ATP2B2: variants seen among roughly 807,000 people sequenced by gnomAD.
ATP2B2 encodes plasma membrane calcium-transporting ATPase 2.
In ATP2B2, 15 loss-of-function variants were observed where a neutral mutation model predicts 120.0. The ratio of observed to expected loss-of-function variants is 0.12; its 90% confidence interval spans 0.08 to 0.19. The LOEUF is 0.19. Among genes scored for constraint, ATP2B2 ranks in the 10% least tolerant of loss-of-function variants. The pLI is 1.00. For synonymous variants in ATP2B2, 694 were observed against 700.3 expected (o/e 0.99, Z 0.14); for missense variants, 1,045 against 1,719.8 (o/e 0.61, Z 6.94).
At chr3:10,482,507 C>G (rs554585605) in intron 1 of ATP2B2, among the ~76,000 whole-genome samples, 1 of 152,322 alleles carries the variant, frequency 6.6e-6, no homozygotes, top group East Asian at 1.9e-4. Flanking sequence ...CTTTCCTGGC[C>G]AGGCTGATGG....
At chr3:10,697,898 T>C (rs183701078) in intron 1 of ATP2B2, among the ~76,000 whole-genome samples, 125 of 152,350 alleles carry the variant, frequency 8.2e-4, no homozygotes, top group African/African-American at 2.9e-3. Context: ...TGCCCTGTGC[T>C]AGCCTTCAAG....
At chr3:10,695,663 A>G (rs2071732289) in intron 1 of ATP2B2, among the ~76,000 whole-genome samples, 1 of 152,208 alleles carries the variant, frequency 6.6e-6, no homozygotes, top group African/African-American at 2.4e-5. Flanking sequence ...AGAGCCCGCC[A>G]GGATCCACAG....
At chr3:10,503,054 C>T (rs944932717) in intron 1 of ATP2B2, among the ~76,000 whole-genome samples, 2 of 152,280 alleles carry the variant, frequency 1.3e-5, no homozygotes, top group African/African-American at 4.8e-5. Flanking sequence ...AGCTGGATTA[C>T]TATTATTTAC....
chr3:10,350,366 C>T, intron 15 of ATP2B2, 32 bp downstream of exon 15: 1 of 1,614,098 alleles, frequency 6.2e-7, no homozygotes, highest in Non-Finnish European at 8.5e-7. Context: ...TGAGCGCGTT[C>T]CCCTGAGGAT....
chr3:10,655,246 A>C (rs1575596236), intron 1 of ATP2B2, among the ~76,000 whole-genome samples: 1 of 151,170 alleles, frequency 6.6e-6, no homozygotes. Flanking sequence ...CCCTTTCTCA[A>C]CCCCCTCCAC....
intron 22 of ATP2B2, among the ~76,000 whole-genome samples, chr3:10,332,966 C>T (rs1305008369): frequency 6.6e-6 from 1 of 152,116 alleles, no homozygotes; most frequent in African/African-American, 2.4e-5. Context: ...TTGAGTTAGT[C>T]AGAAGAGTGC....
At chr3:10,611,666 GCTTCT>G (rs1445206633) in intron 2 of ATP2B2, among the ~76,000 whole-genome samples, 1 of 152,142 alleles carries the variant, frequency 6.6e-6, no homozygotes, top group Non-Finnish European at 1.5e-5. Context: ...ACTCACATAG[GCTTCT>G]CTTGTGTTTG....
intron 12 of ATP2B2, among the ~76,000 whole-genome samples, chr3:10,368,505 T>C (rs943403068): frequency 6.6e-6 from 1 of 151,804 alleles, no homozygotes; most frequent in African/African-American, 2.4e-5. Flanking sequence ...TTCCATTCCA[T>C]CAAGCAATCA....
chr3:10,410,547 G>C (rs34907), intron 3 of ATP2B2, 71 bp downstream of exon 3: 1 of 1,489,832 alleles, frequency 6.7e-7, no homozygotes, highest in African/African-American at 1.4e-5. Context: ...TGTGTGAGCC[G>C]TGAGTGCCCC....
rs2278554 is a variant in ATP2B2 at position 10,360,172 on chromosome 3, G to T, written c.1660-49C>A. The T allele has an allele frequency of 0.39, 602,243 of 1,536,446 alleles. 122,441 individuals are homozygous for T. Among genetic ancestry groups the T allele is most frequent in the East Asian group, 0.57 (25,154 of 44,058 alleles). On this transcript the variant is annotated intron_variant, in intron 12 of 22. Coordinates refer to ENST00000360273, the MANE Select transcript of ATP2B2 (RefSeq NM_001001331.4). ...TGGCACCTGGTGGGGCCTGTGTCGG[G>T]AGCCTCTGCCCTGGCTGCCACTGAG...
intron 1 of ATP2B2, among the ~76,000 whole-genome samples, chr3:10,489,531 C>G (rs2065856621): frequency 6.6e-6 from 1 of 152,200 alleles, no homozygotes. Context: ...TTTGCAGGCC[C>G]TTTCCCAGGA....
Position 10,328,559 on chromosome 3 carries a change from T to TTAAAAAA in ATP2B2, c.*254_*255insTTTTTTA. 2.1e-6 allele frequency: 1 copy of TTAAAAAA among 465,714 alleles called. No individual in the cohort carries two copies. Among genetic ancestry groups the TTAAAAAA allele is most frequent in the Non-Finnish European group, 3.8e-6 (1 of 261,844 alleles). 28.8% of individuals were successfully genotyped at this position (465,714 alleles called of 1,614,324 possible). ...TGGGTGGGAGCCAGGAAGGGCTTGT[T>TTAAAAAA]TTGGGAAAACCGCTCACTCCCGTAA... On this transcript the variant is annotated 3_prime_UTR_variant, in exon 23 of 23. Transcript: ENST00000360273.
chr3:10,612,008 G>A (rs919812055), intron 2 of ATP2B2, among the ~76,000 whole-genome samples: 4 of 152,080 alleles, frequency 2.6e-5, no homozygotes, highest in East Asian at 3.9e-4. Context: ...AGCCAGCATC[G>A]CATTTTACAC....
chr3:10,606,607 G>A (rs1439391800), intron 2 of ATP2B2, among the ~76,000 whole-genome samples: 1 of 152,180 alleles, frequency 6.6e-6, no homozygotes, highest in African/African-American at 2.4e-5. Context: ...GTGGGTGGAC[G>A]TGTGTGCAGC....
At chr3:10,654,596 A>G (rs2070561348) in intron 1 of ATP2B2, among the ~76,000 whole-genome samples, 1 of 152,140 alleles carries the variant, frequency 6.6e-6, no homozygotes, top group African/African-American at 2.4e-5. Flanking sequence ...CAAAAAGCTA[A>G]GAAAGGAGAA....
intron 1 of ATP2B2, among the ~76,000 whole-genome samples, chr3:10,628,963 A>G (rs1030680967): frequency 6.6e-6 from 1 of 152,194 alleles, no homozygotes; most frequent in Admixed American, 6.5e-5. Context: ...TACCTTATTT[A>G]ATATCTATCG....
chr3:10,490,400 C>CTAT (rs1553617528), intron 1 of ATP2B2, among the ~76,000 whole-genome samples: 1 of 136,868 alleles, frequency 7.3e-6, no homozygotes, highest in African/African-American at 2.7e-5. Context: ...CCACGGCATT[C>CTAT]TTTTTTTTTT....
intron 3 of ATP2B2, among the ~76,000 whole-genome samples, chr3:10,405,719 G>A (rs76667419): frequency 0.029 from 4,446 of 152,226 alleles, 83 homozygotes; most frequent in Middle Eastern, 0.065. Flanking sequence ...TGGGGAATCC[G>A]CTTGGCCTCT....
intron 1 of ATP2B2, among the ~76,000 whole-genome samples, chr3:10,634,292 A>G (rs1040139311): frequency 5.3e-5 from 8 of 152,236 alleles, no homozygotes; most frequent in Admixed American, 3.3e-4. Context: ...TGTTTACGGC[A>G]ATCTCACTGT....
Sources: gnomAD v4.1 joint callset for allele counts (sites outside exome capture counted in the v4.1 genomes callset) on GRCh38, gnomAD v4.1.1 for gene constraint, MANE v1.5 for transcripts, NCBI Gene and HGNC (gene_info 2026-07-23, HGNC 2026-07-21) for gene names.